The following NALF1 variants were observed in gnomAD, a reference collection of about 807,000 sequenced individuals.
The protein encoded by NALF1 is NALCN channel auxiliary factor 1, also known as family with sequence similarity 155 member A.
NALF1 carries 3 observed loss-of-function variants against 48.4 expected under a neutral mutation model. That is an observed-to-expected ratio of 0.06 (90% confidence interval 0.03 to 0.16). NALF1 has a LOEUF of 0.16. Ranked by LOEUF, NALF1 falls within the 10% of genes least tolerant of loss-of-function variation. The pLI, the probability that NALF1 is intolerant of heterozygous loss-of-function variation, is 1.00. For synonymous variants in NALF1, 262 were observed against 245.7 expected (o/e 1.07, Z -0.62); for missense variants, 526 against 571.5 (o/e 0.92, Z 0.81).
intron 1 of NALF1, among the ~76,000 whole-genome samples, chr13:107,297,256 C>G (rs752715757): frequency 6.6e-6 from 1 of 152,064 alleles, no homozygotes; most frequent in African/African-American, 2.4e-5. Flanking sequence ...TTTTTTACCT[C>G]CAGTGTTGAG....
rs1446782182 is a variant in NALF1, at chr13:107,656,148, AG to A, written c.915+209533del. 3.7e-3 allele frequency among the ~76,000 whole-genome samples: 561 copies of A among 151,804 alleles called. 4 individuals are homozygous for A. Among genetic ancestry groups the A allele is most frequent in the African/African-American group, 0.012 (495 of 41,412 alleles). ...CTAAAGGCAAATGCAAAAAAAAAAA[AG>A]ATAAATAGATGGGACTTAACAAAAC... On this transcript the variant is annotated intron_variant, in intron 1 of 2. Transcript: ENST00000375915.
intron 1 of NALF1, among the ~76,000 whole-genome samples, chr13:107,432,539 C>T (rs1566340016): frequency 6.6e-6 from 1 of 152,100 alleles, no homozygotes; most frequent in African/African-American, 2.4e-5. Flanking sequence ...TCAGCTGCTT[C>T]CCCGGGTGAT....
chr13:107,855,912 AT>A (rs201378763), intron 1 of NALF1, among the ~76,000 whole-genome samples: 125 of 147,366 alleles, frequency 8.5e-4, no homozygotes, highest in Admixed American at 1.4e-3. Context: ...AAGAGCGAGA[AT>A]TTTTTTTTTT....
At chr13:107,837,297 T>G (rs567562082) in intron 1 of NALF1, among the ~76,000 whole-genome samples, 2 of 152,334 alleles carry the variant, frequency 1.3e-5, no homozygotes, top group African/African-American at 4.8e-5. Flanking sequence ...TTTTAATGTA[T>G]TGTTAAGGAA....
chr13:107,280,591 C>A (rs555760022), intron 1 of NALF1, among the ~76,000 whole-genome samples: 1 of 152,106 alleles, frequency 6.6e-6, no homozygotes, highest in African/African-American at 2.4e-5. Flanking sequence ...AGTCTTAATG[C>A]CTTTATGTTT....
intron 2 of NALF1, among the ~76,000 whole-genome samples, chr13:107,188,409 G>T (rs1201360167): frequency 1.3e-5 from 2 of 151,868 alleles, no homozygotes; most frequent in Non-Finnish European, 2.9e-5. Flanking sequence ...AATAAGAGAG[G>T]CCAATCTAAG....
At chr13:107,822,112 G>T (rs901867286) in intron 1 of NALF1, among the ~76,000 whole-genome samples, 1 of 152,038 alleles carries the variant, frequency 6.6e-6, no homozygotes, top group Admixed American at 6.5e-5. Context: ...TCCTTAGAAA[G>T]CTAGCTCACT....
chr13:107,693,832 A>G (rs1290545876), intron 1 of NALF1, among the ~76,000 whole-genome samples: 1 of 152,194 alleles, frequency 6.6e-6, no homozygotes, highest in African/African-American at 2.4e-5. Context: ...TTTGGAGGCC[A>G]CGGTCCTTTC....
intron 1 of NALF1, among the ~76,000 whole-genome samples, chr13:107,410,752 A>G (rs1333596403): frequency 2.0e-5 from 3 of 152,190 alleles, no homozygotes; most frequent in African/African-American, 7.2e-5. Flanking sequence ...TATGTCTCTC[A>G]TTTAAAATTA....
intron 1 of NALF1, among the ~76,000 whole-genome samples, chr13:107,515,611 T>A (rs373286545): frequency 6.6e-6 from 1 of 152,186 alleles, no homozygotes; most frequent in Non-Finnish European, 1.5e-5. Context: ...TTACTAATAA[T>A]AACCAGGTAT....
intron 1 of NALF1, among the ~76,000 whole-genome samples, chr13:107,245,991 A>G (rs1311539505): frequency 6.6e-6 from 1 of 151,924 alleles, no homozygotes; most frequent in Non-Finnish European, 1.5e-5. Flanking sequence ...TTCTCCACAA[A>G]TCAACTCATC....
intron 1 of NALF1, among the ~76,000 whole-genome samples, chr13:107,304,020 T>A (rs752252195): frequency 1.3e-5 from 2 of 152,230 alleles, no homozygotes; most frequent in Non-Finnish European, 2.9e-5. Flanking sequence ...TCCTAATTTC[T>A]TCTGATCATA....
intron 1 of NALF1, among the ~76,000 whole-genome samples, chr13:107,245,353 G>GT (rs977643046): frequency 3.3e-5 from 5 of 152,186 alleles, no homozygotes; most frequent in Middle Eastern, 3.4e-3. Flanking sequence ...AGAATAAAGT[G>GT]TTTTTTTAAA....
intron 1 of NALF1, among the ~76,000 whole-genome samples, chr13:107,579,152 C>T (rs1207930886): frequency 2.0e-5 from 3 of 152,172 alleles, no homozygotes; most frequent in Non-Finnish European, 4.4e-5. Context: ...AGTGCAGTGG[C>T]ACAATCTCAG....
At chr13:107,341,047 G>A (rs540149175) in intron 1 of NALF1, among the ~76,000 whole-genome samples, 24 of 134,552 alleles carry the variant, frequency 1.8e-4, no homozygotes, top group African/African-American at 5.4e-4. Flanking sequence ...ACCCCCCACC[G>A]CCCCCGCCGC....
intron 1 of NALF1, among the ~76,000 whole-genome samples, chr13:107,716,911 C>A (rs1486844234): frequency 6.6e-6 from 1 of 152,062 alleles, no homozygotes; most frequent in East Asian, 1.9e-4. Flanking sequence ...GAGAAGACAG[C>A]CCAGGATACT....
intron 1 of NALF1, among the ~76,000 whole-genome samples, chr13:107,475,907 T>C (rs972689399): frequency 2.0e-5 from 3 of 152,060 alleles, no homozygotes; most frequent in Admixed American, 6.6e-5. Flanking sequence ...CCTCTTTTTT[T>C]CCCCATGGAC....
intron 1 of NALF1, among the ~76,000 whole-genome samples, chr13:107,828,334 C>T (rs1479894827): frequency 3.3e-5 from 5 of 152,222 alleles, no homozygotes; most frequent in South Asian, 2.1e-4. Flanking sequence ...GCATAAACCA[C>T]GTCACAGAAG....
intron 1 of NALF1, among the ~76,000 whole-genome samples, chr13:107,376,768 T>C (rs1883346909): frequency 6.6e-6 from 1 of 152,196 alleles, no homozygotes; most frequent in African/African-American, 2.4e-5. Flanking sequence ...ACACATATCC[T>C]AGTGAAAAGA....
Sources: gnomAD v4.1 joint callset for allele counts (sites outside exome capture counted in the v4.1 genomes callset) on GRCh38, gnomAD v4.1.1 for gene constraint, MANE v1.5 for transcripts, NCBI Gene and HGNC (gene_info 2026-07-23, HGNC 2026-07-21) for gene names.